The following CDH9 variants were observed in gnomAD, a reference collection of about 807,000 sequenced individuals.
CDH9 encodes cadherin 9.
A neutral mutation model predicts 70.9 loss-of-function variants in CDH9; 28 were observed. The ratio of observed to expected loss-of-function variants is 0.40; its 90% CI spans 0.29 to 0.54. The LOEUF is 0.54. CDH9 is among the 20% of genes least tolerant of loss of function. CDH9 has a pLI of 0.59. For synonymous variants in CDH9, 409 were observed against 343.1 expected (o/e 1.19, Z -2.12); for missense variants, 874 against 984.4 (o/e 0.89, Z 1.50).
At chr5:26,959,168 A>G (rs1329163428) in intron 2 of CDH9, among the ~76,000 whole-genome samples, 1 of 152,164 alleles carries the variant, frequency 6.6e-6, no homozygotes, top group Non-Finnish European at 1.5e-5. Context: ...ACAAAAAGAC[A>G]ACACCATTTT....
At chr5:26,951,429 G>T (rs1394587938) in intron 2 of CDH9, among the ~76,000 whole-genome samples, 3 of 151,980 alleles carry the variant, frequency 2.0e-5, no homozygotes, top group Non-Finnish European at 4.4e-5. Context: ...TGCTTTAGTG[G>T]AATGTCCCCA....
intron 1 of CDH9, among the ~76,000 whole-genome samples, chr5:27,000,776 G>A (rs1381663332): frequency 6.6e-6 from 1 of 152,094 alleles, no homozygotes; most frequent in Non-Finnish European, 1.5e-5. Context: ...ACATTACTCA[G>A]TAATTAAATG....
At chr5:27,010,587 A>C (rs1742939249) in intron 1 of CDH9, among the ~76,000 whole-genome samples, 2 of 152,118 alleles carry the variant, frequency 1.3e-5, no homozygotes, top group African/African-American at 4.8e-5. Context: ...TTTGCCCGAA[A>C]ATCCTACATT....
intron 2 of CDH9, among the ~76,000 whole-genome samples, chr5:26,932,147 T>C (rs10066249): frequency 0.096 from 14,549 of 152,098 alleles, 871 homozygotes; most frequent in East Asian, 0.17. Context: ...TTATTGGTTT[T>C]TAGTTTGATT....
intron 2 of CDH9, among the ~76,000 whole-genome samples, chr5:26,958,009 T>G (rs1448067676): frequency 3.3e-5 from 5 of 152,118 alleles, no homozygotes. Flanking sequence ...TCATAATAAT[T>G]TTAAGAAGAA....
intron 2 of CDH9, among the ~76,000 whole-genome samples, chr5:26,959,482 A>T (rs1741998109): frequency 6.6e-6 from 1 of 152,094 alleles, no homozygotes; most frequent in Non-Finnish European, 1.5e-5. Flanking sequence ...TTATTATATG[A>T]CTCAGCAATT....
At chr5:26,892,835 A>G (rs577250523) in intron 7 of CDH9, among the ~76,000 whole-genome samples, 1 of 151,934 alleles carries the variant, frequency 6.6e-6, no homozygotes, top group African/African-American at 2.4e-5. Context: ...GGTTTCCGCC[A>G]TTCTCCTGCC....
chr5:26,969,932 A>G (rs1214444548), intron 2 of CDH9, among the ~76,000 whole-genome samples: 1 of 146,324 alleles, frequency 6.8e-6, no homozygotes, highest in Non-Finnish European at 1.5e-5. Flanking sequence ...ATATATATAT[A>G]TATAATATAT....
intron 2 of CDH9, among the ~76,000 whole-genome samples, chr5:26,970,835 A>G (rs1742206828): frequency 6.6e-6 from 1 of 152,126 alleles, no homozygotes; most frequent in Non-Finnish European, 1.5e-5. Flanking sequence ...TTTTTCTTAT[A>G]AAACTTGCAG....
rs369202754 is a variant in CDH9 at position 27,016,997 on chromosome 5, T to A, written c.-50+21466A>T. On this transcript the variant is annotated intron_variant, in intron 1 of 11. Transcript: ENST00000231021. ...TTTCTCCAATATCACAAGCTTCAAGTTTAATAATTGGAGAAACTCTTCAGC... is the reference window on the plus strand; with the variant it reads ...TTTCTCCAATATCACAAGCTTCAAGATTAATAATTGGAGAAACTCTTCAGC... Among the ~76,000 whole-genome samples the A allele has an allele frequency of 5.5e-4, 83 of 152,018 alleles. 3 individuals carry two copies. The South Asian group carries it at 0.016, about 29-fold the overall frequency.
chr5:26,893,506 A>T (rs532151697), intron 7 of CDH9, among the ~76,000 whole-genome samples: 105 of 152,186 alleles, frequency 6.9e-4, no homozygotes, highest in African/African-American at 2.4e-3. Flanking sequence ...CGTTATTGTA[A>T]TCTTTTCACA....
At chr5:27,015,587 G>A (rs572051416) in intron 1 of CDH9, among the ~76,000 whole-genome samples, 1 of 151,584 alleles carries the variant, frequency 6.6e-6, no homozygotes, top group African/African-American at 2.4e-5. Context: ...ATCCTCAAAT[G>A]TTTTCCTCTT....
intron 1 of CDH9, among the ~76,000 whole-genome samples, chr5:26,992,921 ACT>A (rs1430955717): frequency 6.6e-6 from 1 of 151,954 alleles, no homozygotes; most frequent in Non-Finnish European, 1.5e-5. Flanking sequence ...ACATGGAGAA[ACT>A]CTGTCTCTAC....
chr5:26,946,233 G>A (rs1424587478), intron 2 of CDH9, among the ~76,000 whole-genome samples: 1 of 152,114 alleles, frequency 6.6e-6, no homozygotes, highest in East Asian at 1.9e-4. Flanking sequence ...CTCAATGCAG[G>A]AAGGAAGATG....
At chr5:26,890,079 GATGA>G in intron 8 of CDH9, 122 bp from the exon 9 acceptor site, 1 of 831,540 alleles carries the variant, frequency 1.2e-6, no homozygotes, top group South Asian at 1.6e-5. Context: ...TTGGGCTGCT[GATGA>G]ATATCTCAGC....
intron 2 of CDH9, among the ~76,000 whole-genome samples, chr5:26,918,849 G>T (rs10942217): frequency 0.21 from 31,762 of 152,108 alleles, 3,570 homozygotes; most frequent in South Asian, 0.36. Context: ...TGGGTCTTCA[G>T]CTTGCCAACT....
Position 26,881,216 on chromosome 5 carries a change from A to G in CDH9, c.2290T>C (p.Tyr764His). The G allele has an allele frequency of 6.2e-7, 1 of 1,612,580 alleles. No individual in the cohort carries two copies. The highest frequency in any genetic ancestry group is 8.5e-7 in the Non-Finnish European group (1 of 1,178,724). ...GGCCCCCAGTCACTGAGGTAATCAT[A>G]ATCTTGGTTACAATCAGCTGTGAGA... Reference protein sequence around the residue: ...ESLTADCNQDYDYLSDWGPRF... With the variant: ...ESLTADCNQDHDYLSDWGPRF... The change falls in exon 12 of 12, where the codon TAT becomes CAT. Residue 764 changes from tyrosine to histidine, a missense_variant. Physicochemically the swap from Tyr to His is moderately conservative, Grantham distance 83. Coordinates refer to ENST00000231021, the MANE Select transcript of CDH9 (RefSeq NM_016279.4).
At chr5:27,030,830 T>C (rs940103091) in intron 1 of CDH9, among the ~76,000 whole-genome samples, 6 of 151,818 alleles carry the variant, frequency 4.0e-5, no homozygotes, top group African/African-American at 1.4e-4. Context: ...CACATGAATC[T>C]AGTATATTAA....
chr5:26,911,478 G>C (rs577445394), intron 3 of CDH9, among the ~76,000 whole-genome samples: 1 of 152,212 alleles, frequency 6.6e-6, no homozygotes, highest in Non-Finnish European at 1.5e-5. Flanking sequence ...AGGGATTCCT[G>C]GTTGGGGGTC....
Sources: allele counts gnomAD v4.1 joint callset (sites outside exome capture counted in the v4.1 genomes callset), GRCh38; gene constraint gnomAD v4.1.1; transcripts MANE v1.5; gene names NCBI Gene and HGNC (gene_info 2026-07-23, HGNC 2026-07-21).